Variants in GABRB1 observed in about 807,000 individuals in gnomAD.
GABRB1 encodes the protein gamma-aminobutyric acid type A receptor subunit beta1.
In GABRB1, 17 loss-of-function variants were observed where a neutral mutation model predicts 51.6. The ratio of observed to expected loss-of-function variants is 0.33; its 90% CI spans 0.23 to 0.49. The LOEUF (loss-of-function observed/expected upper bound fraction) is 0.49. Among genes scored for constraint, GABRB1 ranks in the 20% least tolerant of loss-of-function variants. GABRB1 has a pLI of 0.99. For synonymous variants in GABRB1, 247 were observed against 218.9 expected (o/e 1.13, Z -1.14); for missense variants, 410 against 600.6 (o/e 0.68, Z 3.32).
At chr4:47,408,534 C>T (rs917971193) in intron 8 of GABRB1, among the ~76,000 whole-genome samples, 7 of 152,332 alleles carry the variant, frequency 4.6e-5, no homozygotes, top group African/African-American at 1.7e-4. Context: ...AAATAAACTT[C>T]TACCTTTGTG....
chr4:47,411,284 GTA>G (rs1179696793), intron 8 of GABRB1, among the ~76,000 whole-genome samples: 1 of 152,108 alleles, frequency 6.6e-6, no homozygotes, highest in African/African-American at 2.4e-5. Context: ...ACAAACTGTG[GTA>G]TATACACACT....
chr4:47,317,122 T>C (rs1349861189), intron 4 of GABRB1, among the ~76,000 whole-genome samples: 2 of 151,972 alleles, frequency 1.3e-5, no homozygotes, highest in Non-Finnish European at 2.9e-5. Flanking sequence ...AAGTCTTTGT[T>C]GTTGGGGACT....
chr4:47,250,747 T>G (rs370441484), intron 4 of GABRB1, among the ~76,000 whole-genome samples: 78 of 152,346 alleles, frequency 5.1e-4, no homozygotes, highest in African/African-American at 1.9e-3. Flanking sequence ...AATCTATTGC[T>G]GAGAATTTCC....
chr4:47,262,029 T>C (rs1722460431), intron 4 of GABRB1, among the ~76,000 whole-genome samples: 1 of 151,492 alleles, frequency 6.6e-6, no homozygotes, highest in Admixed American at 6.6e-5. Flanking sequence ...TTACACCTTA[T>C]ACAAAAATCA....
intron 3 of GABRB1, among the ~76,000 whole-genome samples, chr4:47,063,539 A>C (rs900089481): frequency 6.6e-6 from 1 of 152,332 alleles, no homozygotes; most frequent in African/African-American, 2.4e-5. Flanking sequence ...ACGAGTCTCC[A>C]CATGATGCCA....
chr4:47,328,304 C>A (rs897898035), intron 5 of GABRB1, among the ~76,000 whole-genome samples: 4 of 152,136 alleles, frequency 2.6e-5, no homozygotes, highest in Non-Finnish European at 5.9e-5. Flanking sequence ...TGTGCAGAAG[C>A]TCTTTAGTTT....
At chr4:47,385,957 G>T (rs1055448381) in intron 5 of GABRB1, among the ~76,000 whole-genome samples, 1 of 152,190 alleles carries the variant, frequency 6.6e-6, no homozygotes, top group African/African-American at 2.4e-5. Context: ...GGGAGTTGTG[G>T]GGGTGCAAAG....
At chr4:47,131,508 G>A (rs1275746050) in intron 3 of GABRB1, among the ~76,000 whole-genome samples, 2 of 152,112 alleles carry the variant, frequency 1.3e-5, no homozygotes, top group Admixed American at 1.3e-4. Flanking sequence ...ATTGTATTAG[G>A]TTGGTGCAAA....
chr4:47,358,502 C>T (rs1053844682), intron 5 of GABRB1, among the ~76,000 whole-genome samples: 1 of 151,906 alleles, frequency 6.6e-6, no homozygotes, highest in Non-Finnish European at 1.5e-5. Context: ...ATAGCGTAGG[C>T]TACCAGGCCA....
chr4:47,172,299 T>C (rs551067399), intron 4 of GABRB1, among the ~76,000 whole-genome samples: 10 of 152,324 alleles, frequency 6.6e-5, no homozygotes, highest in Admixed American at 3.9e-4. Context: ...ATCTAAGTAA[T>C]CTGATTGAAG....
At chr4:47,045,699 T>A (rs1013221845) in intron 3 of GABRB1, among the ~76,000 whole-genome samples, 2 of 151,990 alleles carry the variant, frequency 1.3e-5, no homozygotes, top group African/African-American at 4.8e-5. Flanking sequence ...GGAGCCTCTT[T>A]CCTAAGGGCT....
chr4:47,222,835 A>G (rs1720813217), intron 4 of GABRB1, among the ~76,000 whole-genome samples: 1 of 152,098 alleles, frequency 6.6e-6, no homozygotes, highest in Non-Finnish European at 1.5e-5. Flanking sequence ...TATCTCTTTA[A>G]AAAAAATCTG....
rs1054493525 is a variant in GABRB1, at chr4:47,042,183, T to C, written c.240+9699T>C. Reference sequence around the variant, plus strand: ...ACTAGAAATTTTTGAGTCATAAAAATTGTTAGTAAATATAGCATTTACATT... The same window carrying C: ...ACTAGAAATTTTTGAGTCATAAAAACTGTTAGTAAATATAGCATTTACATT... On this transcript the variant is annotated intron_variant, in intron 3 of 8. Coordinates refer to ENST00000295454, the MANE Select transcript of GABRB1 (RefSeq NM_000812.4). 6.6e-5 allele frequency among the ~76,000 whole-genome samples: 10 copies of C among 151,772 alleles called. 1 individual carries two copies. The highest frequency in any genetic ancestry group is 5.9e-4 in the Admixed American group (9 of 15,200).
At position 47,012,519 on chromosome 4, in the gene GABRB1, G is replaced by A. The variant is rs76543008; in HGVS notation, c.-20+18593G>A. The stretch of plus-strand genomic sequence containing the variant: ...CAGCTCCATCCATTTCCCTACAAAG[G>A]CTTTTTATATTAATTTGTATTTTTG... On this transcript the variant is annotated intron_variant, in intron 1 of 3. Transcript: ENST00000513567. Among the ~76,000 whole-genome samples the A allele has an allele frequency of 7.5e-3, 1,137 of 152,246 alleles. 19 individuals carry two copies. Among genetic ancestry groups the A allele is most frequent in the African/African-American group, 0.026 (1,072 of 41,552 alleles).
At chr4:47,013,436 G>C (rs912253297) in intron 1 of GABRB1, among the ~76,000 whole-genome samples, 1 of 152,082 alleles carries the variant, frequency 6.6e-6, no homozygotes, top group Non-Finnish European at 1.5e-5. Context: ...TGGGATTACA[G>C]GACTGATCCA....
At chr4:47,069,327 CT>C (rs1045525486) in intron 3 of GABRB1, among the ~76,000 whole-genome samples, 3 of 152,094 alleles carry the variant, frequency 2.0e-5, no homozygotes, top group African/African-American at 7.2e-5. Flanking sequence ...ACTTTTATTC[CT>C]CCCCCTTCAA....
At chr4:47,337,808 TAAA>T (rs1170540924) in intron 5 of GABRB1, among the ~76,000 whole-genome samples, 862 of 84,466 alleles carry the variant, frequency 0.01, 8 homozygotes, top group African/African-American at 0.033. Flanking sequence ...AGACTCTGTC[TAAA>T]AAAAAAAAAA....
chr4:47,027,219 G>A (rs1040431657), upstream of GABRB1, among the ~76,000 whole-genome samples: 3 of 151,504 alleles, frequency 2.0e-5, no homozygotes, highest in Non-Finnish European at 4.4e-5. Flanking sequence ...CCTGAAAGGA[G>A]CAATGAATAT....
At chr4:47,089,457 G>A (rs1431829405) in intron 3 of GABRB1, among the ~76,000 whole-genome samples, 1 of 152,136 alleles carries the variant, frequency 6.6e-6, no homozygotes, top group Non-Finnish European at 1.5e-5. Flanking sequence ...AATTAGCATT[G>A]AAATCTCTAC....
Sources: gnomAD v4.1 joint callset for allele counts (sites outside exome capture counted in the v4.1 genomes callset) on GRCh38, gnomAD v4.1.1 for gene constraint, MANE v1.5 for transcripts, NCBI Gene and HGNC (gene_info 2026-07-23, HGNC 2026-07-21) for gene names.